CAPN12: variants seen among roughly 807,000 people sequenced by gnomAD.
CAPN12 encodes the protein calpain 12, also known as calpain-12.
Under a neutral mutation model 95.0 loss-of-function variants are expected in CAPN12, and 107 were observed. The observed-to-expected ratio is 1.13, with a 90% CI of 0.96 to 1.32. CAPN12 has a LOEUF of 1.32. Ranked by LOEUF, CAPN12 falls within the 40% of genes most tolerant of loss-of-function variation. The pLI, the probability that CAPN12 is intolerant of heterozygous loss-of-function variation, is 0.00. For missense variants in CAPN12, 1,136 were observed against 997.8 expected (o/e 1.14, Z -1.87); for synonymous variants, 505 against 415.5 (o/e 1.22, Z -2.62).
chr19:38,735,287 C>T (rs1364509810), intron 14 of CAPN12, 83 bp downstream of exon 14: 5 of 1,357,006 alleles, frequency 3.7e-6, no homozygotes, highest in South Asian at 1.4e-5. Flanking sequence ...AAATGAGACA[C>T]CTGAGATGCT....
Position 38,742,535 on chromosome 19 carries a change from GGA to G in CAPN12, c.308-9_308-8del, listed in dbSNP as rs749088263. 1 of 1,590,938 alleles carries G rather than the reference GGA, an allele frequency of 6.3e-7. No homozygotes were observed. Among genetic ancestry groups the G allele is most frequent in the East Asian group, 2.2e-5 (1 of 44,468 alleles). On this transcript the variant is annotated splice_region_variant and splice_polypyrimidine_tract_variant and intron_variant, in intron 2 of 20. Transcript: ENST00000328867. ...GCAAGGAACCAGCAGTTACCTGGGA[GGA>G]GAGGCCAGGATTAGGTGAGGATGGA... is the stretch of plus-strand genomic sequence containing the variant.
rs1969476464 is a variant in CAPN12, at chr19:38,730,287, G to GAAGAC, written c.*560_*564dup. 6.2e-6 allele frequency: 1 copy of GAAGAC among 161,818 alleles called. No individual in the cohort carries two copies. The highest frequency in any genetic ancestry group is 2.4e-5 in the African/African-American group (1 of 41,400). 10.0% of individuals were successfully genotyped at this position (161,818 alleles called of 1,614,324 possible). ...CTGCCGTCTCTCCTGCTCTCATAAT[G>GAAGAC]AAGACATAGCCGATTCTCTGCCCGG... On this transcript the variant is annotated 3_prime_UTR_variant, in exon 21 of 21. Transcript: ENST00000328867.
chr19:38,737,692 G>A (rs1036450579), intron 8 of CAPN12, 54 bp from the exon 9 acceptor site: 2 of 1,474,598 alleles, frequency 1.4e-6, no homozygotes, highest in Non-Finnish European at 1.8e-6. Flanking sequence ...GGGGTCCCAA[G>A]ATCCCGGAAA....
chr19:38,742,468 C>G lies in CAPN12; in HGVS notation c.368G>C (p.Arg123Pro). 1 of 1,613,894 alleles carries G rather than the reference C, an allele frequency of 6.2e-7. No homozygotes were observed. The highest frequency in any genetic ancestry group is 2.2e-5 in the East Asian group (1 of 44,878). The change falls in exon 3 of 21, where the codon CGG (arginine) becomes CCG (proline). Residue 123 changes from arginine to proline, a missense_variant. Transcript: ENST00000328867. Reference sequence around the variant, plus strand: ...GAAATCCTGTCCAGGAGGGACCACCCGGCGCAGGAGCCGGGGATACAGAGT... The same window carrying G: ...GAAATCCTGTCCAGGAGGGACCACCGGGCGCAGGAGCCGGGGATACAGAGT... ...SLTLYPRLLR[R>P]VVPPGQDFQH...
At position 38,736,237 on chromosome 19, in the gene CAPN12, G is replaced by A. The variant is rs748810719; in HGVS notation, c.1456C>T (p.Arg486Cys). The change falls in exon 12 of 21, where the codon CGC (arginine) becomes TGC (cysteine). Residue 486 changes from arginine to cysteine, a missense_variant. Arg to Cys is a radical substitution (Grantham distance 180). Coordinates refer to ENST00000328867, the MANE Select transcript of CAPN12 (RefSeq NM_144691.4). Reference sequence around the variant, plus strand: ...CAGCAGCGGCGGGTCACGTCGCGGCGGGCGCTGAGGGGCGAGCGGTCGGCG... The same window carrying A: ...CAGCAGCGGCGGGTCACGTCGCGGCAGGCGCTGAGGGGCGAGCGGTCGGCG... ...LRADRSPLSA[R>C]RDVTRRCCLR... 1.1e-5 allele frequency: 17 copies of A among 1,486,996 alleles called. No individual in the cohort carries two copies. The highest frequency in any genetic ancestry group is 1.5e-5 in the African/African-American group (1 of 68,148). The allele number at this position is 1,486,996 out of a possible 1,614,324, so 92.1% of individuals were successfully genotyped here.
At chr19:38,736,621 GTCTCCTCC>G (rs898476411) in intron 10 of CAPN12, 58 bp from the exon 11 acceptor site, 10 of 1,562,516 alleles carry the variant, frequency 6.4e-6, no homozygotes, top group Non-Finnish European at 8.7e-6. Context: ...GCCGCTCAGG[GTCTCCTCC>G]CTGCCCCTTC....
intron 14 of CAPN12, chr19:38,735,088 G>T (rs1198097730): frequency 8.2e-6 from 5 of 606,704 alleles, no homozygotes; most frequent in East Asian, 2.8e-5. Flanking sequence ...GGGCAGGGGG[G>T]TGGTCAGGGA....
intron 18 of CAPN12, among the ~76,000 whole-genome samples, chr19:38,731,866 T>TA (rs1235543259): frequency 6.6e-6 from 1 of 152,244 alleles, no homozygotes; most frequent in Non-Finnish European, 1.5e-5. Context: ...AAGTGCCATT[T>TA]CATGCTGTGC....
intron 1 of CAPN12, 157 bp from the exon 2 acceptor site, chr19:38,743,259 TG>T: frequency 1.3e-6 from 1 of 746,970 alleles, no homozygotes; most frequent in East Asian, 2.7e-5. Context: ...GCCAGTCCCA[TG>T]GTAGCCCCCT....
Position 38,734,832 on chromosome 19 carries a change from T to C in CAPN12, c.1725A>G (p.Leu575=), listed in dbSNP as rs1160364851. Residue 575 remains leucine, a synonymous_variant, in exon 15 of 21, where the codon CTA becomes CTG. Coordinates refer to ENST00000328867, the MANE Select transcript of CAPN12 (RefSeq NM_144691.4). ...ELNASQLQAL[L]SIALEPARAH... Reference sequence around the variant, plus strand: ...ACTCACCAGGCTCCAGGGCAATGCTTAGTAAGGCCTGGAGCTGAGAGGCAT... The same window carrying C: ...ACTCACCAGGCTCCAGGGCAATGCTCAGTAAGGCCTGGAGCTGAGAGGCAT... 4.3e-6 allele frequency: 7 copies of C among 1,612,390 alleles called. No individual in the cohort carries two copies. The highest frequency in any genetic ancestry group is 2.2e-5 in the East Asian group (1 of 44,872).
chr19:38,736,439 C>T lies in CAPN12; in HGVS notation c.1374+113G>A. The stretch of plus-strand genomic sequence containing the variant: ...TCCACGCCTCCCCTGCCCCCGGACC[C>T]GGCTCTGCCCCCCCACCCCCAGGGC... On this transcript the variant is annotated intron_variant, in intron 11 of 20. Coordinates refer to ENST00000328867, the MANE Select transcript of CAPN12 (RefSeq NM_144691.4). 5 of 1,509,778 alleles carry T rather than the reference C, an allele frequency of 3.3e-6. No homozygotes were observed. In the South Asian group the frequency reaches 3.7e-5, roughly 11 times the overall value. The allele number at this position is 1,509,778 out of a possible 1,614,324, so 93.5% of individuals were successfully genotyped here.
chr19:38,734,815 G>T lies in CAPN12; in HGVS notation c.1742C>A (p.Pro581His). ...LQALLSIALEPARAHTSTPRE... is the reference protein window; with the variant it reads ...LQALLSIALEHARAHTSTPRE... Reference sequence around the variant, plus strand: ...TGCCCCTATCCCAGCCAACTCACCAGGCTCCAGGGCAATGCTTAGTAAGGC... The same window carrying T: ...TGCCCCTATCCCAGCCAACTCACCATGCTCCAGGGCAATGCTTAGTAAGGC... The change falls in exon 15 of 21, where the codon CCT becomes CAT. Residue 581 changes from proline (P) to histidine (H), a missense_variant and splice_region_variant. Coordinates refer to ENST00000328867, the MANE Select transcript of CAPN12 (RefSeq NM_144691.4). 1 of 1,612,350 alleles carries T rather than the reference G, an allele frequency of 6.2e-7. No homozygotes were observed. The highest frequency in any genetic ancestry group is 2.2e-5 in the East Asian group (1 of 44,864).
intron 8 of CAPN12, 46 bp from the exon 9 acceptor site, chr19:38,737,684 G>A (rs1406628370): frequency 6.7e-7 from 1 of 1,485,796 alleles, no homozygotes; most frequent in Non-Finnish European, 9.0e-7. Context: ...ACCTCGAGGG[G>A]GTCCCAAGAT....
Position 38,738,336 on chromosome 19 carries a change from C to G in CAPN12, c.902G>C (p.Trp301Ser). ...TGAWSDSCPR[W>S]DTLPTECRDA... ...GCGGCACTCGGTGGGGAGTGTGTCC[C>G]AGCGTGGGCAGCTGGAGAGACTGTG... The change falls in exon 8 of 21, where the codon TGG becomes TCG. Residue 301 changes from tryptophan (W) to serine (S), a missense_variant. Transcript: ENST00000328867. 2 of 1,612,034 alleles carry G rather than the reference C, an allele frequency of 1.2e-6. No homozygotes were observed. Among genetic ancestry groups the G allele is most frequent in the Non-Finnish European group, 8.5e-7 (1 of 1,179,992 alleles).
rs772630818 is a variant in CAPN12 at position 38,736,252 on chromosome 19, A to G, written c.1441T>C (p.Ser481Pro). ...LLPRLLRADR[S>P]PLSARRDVTR... ...ACGTCGCGGCGGGCGCTGAGGGGCGAGCGGTCGGCGCGCAGCAGCCGGGGC... is the reference window on the plus strand; with the variant it reads ...ACGTCGCGGCGGGCGCTGAGGGGCGGGCGGTCGGCGCGCAGCAGCCGGGGC... Residue 481 changes from serine to proline, a missense_variant, in exon 12 of 21, where the codon TCG becomes CCG. Physicochemically the swap from Ser to Pro is moderately conservative, Grantham distance 74. Coordinates refer to ENST00000328867, the MANE Select transcript of CAPN12 (RefSeq NM_144691.4). The G allele has an allele frequency of 8.8e-6, 13 of 1,471,562 alleles. No individual in the cohort carries two copies. The South Asian group carries it at 1.6e-4, about 18-fold the overall frequency. 91.2% of individuals were successfully genotyped at this position (1,471,562 alleles called of 1,614,324 possible).
Position 38,743,996 on chromosome 19 carries a change from G to A in CAPN12, c.170C>T (p.Ala57Val), listed in dbSNP as rs1970743434. ...RDPYFPAGPD[A>V]LGYDQLGPDS... is the part of the protein sequence containing the mutation. ...CGGCCCCAGCTGGTCATAGCCAAGG[G>A]CATCAGGGCCAGCAGGGAAGTAAGG... Residue 57 changes from alanine to valine, a missense_variant, in exon 1 of 21, where the codon GCC (alanine) becomes GTC (valine). Transcript: ENST00000328867. The A allele has an allele frequency of 6.2e-7, 1 of 1,614,236 alleles. No homozygotes were observed. The highest frequency in any genetic ancestry group is 1.3e-5 in the African/African-American group (1 of 75,062).
At position 38,734,205 on chromosome 19, in the gene CAPN12, CT is replaced by C; in HGVS notation, c.1816-2del. 2 of 1,612,936 alleles carry C rather than the reference CT, an allele frequency of 1.2e-6. No individual in the cohort carries two copies. The highest frequency in any genetic ancestry group is 8.5e-7 in the Non-Finnish European group (1 of 1,179,870). On this transcript the variant is annotated splice_acceptor_variant, in intron 16 of 20. Transcript: ENST00000328867. LOFTEE classifies it high-confidence loss of function. ...GGTGTAAGGCCAGGCTTTGCCCATG[CT>C]GTGTTGGGGGTCGGGGGCATCTGGT...
intron 12 of CAPN12, 97 bp from the exon 13 acceptor site, chr19:38,735,641 T>C (rs1969988042): frequency 1.7e-6 from 2 of 1,162,780 alleles, no homozygotes; most frequent in Admixed American, 4.4e-5. Context: ...GGGGTCTAGG[T>C]AGGGACCGTG....
intron 18 of CAPN12, among the ~76,000 whole-genome samples, chr19:38,732,770 T>C (rs1372933427): frequency 6.7e-6 from 1 of 149,270 alleles, no homozygotes; most frequent in Non-Finnish European, 1.5e-5. Context: ...CCATCTGCTG[T>C]GTGGTGGCAG....
Sources: allele counts gnomAD v4.1 joint callset (sites outside exome capture counted in the v4.1 genomes callset), GRCh38; gene constraint gnomAD v4.1.1; transcripts MANE v1.5; gene names NCBI Gene and HGNC (gene_info 2026-07-23, HGNC 2026-07-21).